Variants in CFAP54 observed in about 807,000 individuals in gnomAD.
CFAP54 encodes cilia and flagella associated protein 54, also known as cilia- and flagella-associated protein 54.
CFAP54 carries 290 observed loss-of-function variants against 370.4 expected under a neutral mutation model. The ratio of observed to expected loss-of-function variants is 0.78; its 90% CI spans 0.71 to 0.86. CFAP54 has a LOEUF of 0.86. Ranked by LOEUF, CFAP54 falls within the 40% of genes least tolerant of loss-of-function variation. The pLI is 0.00. For synonymous variants in CFAP54, 1,206 were observed against 1,236.5 expected, an observed-to-expected ratio of 0.98 and a Z score of 0.52; for missense variants, 3,399 against 3,528.7, an observed-to-expected ratio of 0.96 and a Z score of 0.93.
intron 25 of CFAP54, among the ~76,000 whole-genome samples, chr12:96,595,020 T>G (rs952633934): frequency 2.0e-5 from 3 of 152,186 alleles, no homozygotes; most frequent in Non-Finnish European, 4.4e-5. Context: ...GTCTTCTGTT[T>G]AGGGTCTTAT....
intron 63 of CFAP54, among the ~76,000 whole-genome samples, chr12:96,809,132 G>A (rs180824978): frequency 2.1e-4 from 32 of 152,048 alleles, no homozygotes; most frequent in African/African-American, 7.0e-4. Flanking sequence ...CCTCTGTCCC[G>A]TATGTACTGA....
In CFAP54 at chr12:96,564,421, C is replaced by A. The variant is rs1323016525; in HGVS notation, c.2411-47C>A. The A allele has an allele frequency of 4.5e-6, 3 of 660,074 alleles. No homozygotes were observed. In the East Asian group the frequency reaches 8.3e-5, roughly 18 times the overall value. 40.9% of individuals were successfully genotyped at this position (660,074 alleles called of 1,614,324 possible). A position where few individuals can be genotyped will look rare whatever the true frequency, so the allele number is the denominator to read the frequency against. On this transcript the variant is annotated intron_variant, in intron 17 of 67. Transcript: ENST00000524981. ...CCTTAGTATTTAAAAAATATTTCCT[C>A]TCTTGGATACATACTTAATTGTTAT... is the stretch of plus-strand genomic sequence containing the variant.
In CFAP54 at chr12:96,630,139, A is replaced by G. The variant is rs1012476272; in HGVS notation, c.4150A>G (p.Ser1384Gly). The change falls in exon 31 of 68, where the codon AGT becomes GGT. Residue 1384 changes from serine to glycine, a missense_variant. Coordinates refer to ENST00000524981, the MANE Select transcript of CFAP54 (RefSeq NM_001306084.2). ...ACTAATAAAAGTGAAATATAAGGAT[A>G]GTGCTTTGAATAAAAAAGCAAACAA... is the stretch of plus-strand genomic sequence containing the variant. The part of the protein sequence containing the change: ...LGLIKVKYKD[S>G]ALNKKANKSL... 1 of 1,499,738 alleles carries G rather than the reference A, an allele frequency of 6.7e-7. No individual in the cohort carries two copies. The highest frequency in any genetic ancestry group is 1.4e-5 in the African/African-American group (1 of 72,360). The allele number at this position is 1,499,738 out of a possible 1,614,324, so 92.9% of individuals were successfully genotyped here. A position where few individuals can be genotyped will look rare whatever the true frequency, so the allele number is the denominator to read the frequency against.
Position 96,691,218 on chromosome 12 carries a change from T to C in CFAP54, c.6172T>C (p.Phe2058Leu). ...TCAGCTTCTCCCAGGCATTGAACTC[T>C]TCTCAGATAGATACAGGGCTGACAT... ...ITQLLPGIEL[F>L]SDRYRADICS... Residue 2058 changes from phenylalanine (F) to leucine (L), a missense_variant, in exon 44 of 68, where the codon TTC (phenylalanine) becomes CTC (leucine). Transcript: ENST00000524981. 1.2e-6 allele frequency: 2 copies of C among 1,613,600 alleles called. No individual in the cohort carries two copies. The highest frequency in any genetic ancestry group is 1.7e-6 in the Non-Finnish European group (2 of 1,179,692).
intron 45 of CFAP54, among the ~76,000 whole-genome samples, chr12:96,699,159 A>G (rs966424070): frequency 6.6e-6 from 1 of 152,124 alleles, no homozygotes; most frequent in Non-Finnish European, 1.5e-5. Flanking sequence ...TGAAGTAACA[A>G]AGTTATACTT....
intron 39 of CFAP54, among the ~76,000 whole-genome samples, chr12:96,672,049 TCAGGAACTGG>T (rs1957153140): frequency 6.6e-6 from 1 of 151,994 alleles, no homozygotes; most frequent in African/African-American, 2.4e-5. Flanking sequence ...CTTAGCACCG[TCAGGAACTGG>T]CAGGAAATGT....
At chr12:96,798,496 T>C (rs1045318846) in intron 63 of CFAP54, among the ~76,000 whole-genome samples, 1 of 152,204 alleles carries the variant, frequency 6.6e-6, no homozygotes, top group Non-Finnish European at 1.5e-5. Context: ...TTAGGACTTC[T>C]TTAACCAGTT....
chr12:96,631,729 ATATT>A (rs1249984524), intron 32 of CFAP54, among the ~76,000 whole-genome samples: 1 of 149,060 alleles, frequency 6.7e-6, no homozygotes, highest in East Asian at 1.9e-4. Context: ...CATATAATAT[ATATT>A]ATATATTGTA....
chr12:96,693,704 G>A lies in CFAP54; in HGVS notation c.6265-18G>A. 6.9e-7 allele frequency: 1 copy of A among 1,451,200 alleles called. No homozygotes were observed. Among genetic ancestry groups the A allele is most frequent in the South Asian group, 1.2e-5 (1 of 82,022 alleles). 89.9% of individuals were successfully genotyped at this position (1,451,200 alleles called of 1,614,324 possible). ...GATAAAATATATTTTGAAACAAAGA[G>A]TGTTTTTCTCCTGATAGGTTCTGCC... is the stretch of plus-strand genomic sequence containing the variant. On this transcript the variant is annotated intron_variant, in intron 44 of 67. Transcript: ENST00000524981.
intron 9 of CFAP54, among the ~76,000 whole-genome samples, chr12:96,533,452 A>G (rs1955463404): frequency 6.6e-6 from 1 of 152,086 alleles, no homozygotes; most frequent in Non-Finnish European, 1.5e-5. Flanking sequence ...TATAATGATG[A>G]CTCTAAAAGC....
chr12:96,600,968 T>C lies in CFAP54; in HGVS notation c.3639+2201T>C, dbSNP rs1956234706. Among the ~76,000 whole-genome samples, 6 of 152,178 alleles carry C rather than the reference T, an allele frequency of 3.9e-5. No individual in the cohort carries two copies. The South Asian group carries it at 1.2e-3, about 32-fold the overall frequency. On this transcript the variant is annotated intron_variant, in intron 26 of 67. Coordinates refer to ENST00000524981, the MANE Select transcript of CFAP54 (RefSeq NM_001306084.2). ...CCCTTTATTTCTTTCTCTTACCCGATTGACCTGGCCAGAATTTCCAATACT... is the reference window on the plus strand; with the variant it reads ...CCCTTTATTTCTTTCTCTTACCCGACTGACCTGGCCAGAATTTCCAATACT...
At chr12:96,541,074 A>G in intron 14 of CFAP54, 87 bp downstream of exon 14, 1 of 766,764 alleles carries the variant, frequency 1.3e-6, no homozygotes, top group Non-Finnish European at 1.8e-6. Context: ...CTACTAATGG[A>G]AACTAGGCAC....
Position 96,553,721 on chromosome 12 carries a change from G to T in CFAP54, c.2155-461G>T, listed in dbSNP as rs188720608. Reference sequence around the variant, plus strand: ...TGTGAGAATGATTACATTAAAAAGTGTTTAGTTTTTGAAAATCATGATGTA... The same window carrying T: ...TGTGAGAATGATTACATTAAAAAGTTTTTAGTTTTTGAAAATCATGATGTA... On this transcript the variant is annotated intron_variant, in intron 15 of 67. Transcript: ENST00000524981. Among the ~76,000 whole-genome samples the T allele has an allele frequency of 3.6e-3, 547 of 151,746 alleles. 18 individuals carry two copies. Among genetic ancestry groups the T allele is most frequent in the Admixed American group, 0.032 (495 of 15,242 alleles).
intron 57 of CFAP54, 80 bp downstream of exon 57, chr12:96,756,643 C>A (rs906436968): frequency 2.2e-6 from 2 of 923,428 alleles, no homozygotes; most frequent in Admixed American, 2.5e-5. Context: ...CCACTCAAGG[C>A]TGGATTGCTT....
intron 59 of CFAP54, 106 bp downstream of exon 59, chr12:96,764,355 C>T (rs1202764848): frequency 4.0e-6 from 3 of 748,062 alleles, no homozygotes; most frequent in South Asian, 4.7e-5. Flanking sequence ...GGGTGTGATA[C>T]CTCATGCCTG....
intron 36 of CFAP54, among the ~76,000 whole-genome samples, chr12:96,656,308 C>A (rs542463739): frequency 4.3e-4 from 66 of 152,094 alleles, no homozygotes; most frequent in Non-Finnish European, 8.2e-4. Context: ...TCTCCCCCCC[C>A]CTCCCCTTTT....
intron 46 of CFAP54, 63 bp downstream of exon 46, chr12:96,700,156 A>G: frequency 6.7e-7 from 1 of 1,493,612 alleles, no homozygotes. Context: ...CCTAAAATGT[A>G]AGGAACATTC....
intron 25 of CFAP54, among the ~76,000 whole-genome samples, chr12:96,597,415 A>C (rs1379811112): frequency 3.3e-5 from 5 of 151,896 alleles, no homozygotes; most frequent in Non-Finnish European, 7.4e-5. Context: ...CAAAGCCGGC[A>C]TCTTGATTGC....
chr12:96,523,145 A>C (rs1279595393), intron 8 of CFAP54, among the ~76,000 whole-genome samples: 1 of 152,198 alleles, frequency 6.6e-6, no homozygotes, highest in Non-Finnish European at 1.5e-5. Context: ...TAGAGATTGA[A>C]AATGAATCTG....
Sources: allele counts gnomAD v4.1 joint callset (sites outside exome capture counted in the v4.1 genomes callset), GRCh38; gene constraint gnomAD v4.1.1; transcripts MANE v1.5; gene names NCBI Gene and HGNC (gene_info 2026-07-23, HGNC 2026-07-21).